The following PARN variants were observed in gnomAD, a reference collection of about 807,000 sequenced individuals.
The protein encoded by PARN is poly(A)-specific ribonuclease.
Under a neutral mutation model 102.8 loss-of-function variants are expected in PARN, and 71 were observed. The observed-to-expected ratio is 0.69, with a 90% confidence interval of 0.57 to 0.84. The LOEUF is 0.84. Among genes scored for constraint, PARN ranks in the 40% least tolerant of loss-of-function variants. The probability of loss-of-function intolerance (pLI) is 0.00; values close to 1 mark genes in which losing one functional copy is unlikely to be tolerated. For missense variants in PARN, 782 were observed against 760.9 expected (o/e 1.03, Z -0.33); for synonymous variants, 261 against 252.9 (o/e 1.03, Z -0.30).
chr16:14,442,852 C>CT (rs944684824), intron 23 of PARN, among the ~76,000 whole-genome samples: 3 of 152,252 alleles, frequency 2.0e-5, no homozygotes, highest in Admixed American at 2.0e-4. Flanking sequence ...AGGTGGTGGA[C>CT]TAACAGGCGT....
At chr16:14,523,775 T>C (rs1965858096) in intron 21 of PARN, among the ~76,000 whole-genome samples, 1 of 152,136 alleles carries the variant, frequency 6.6e-6, no homozygotes, top group East Asian at 1.9e-4. Flanking sequence ...AAGGGCTCAG[T>C]CATTCAGAGG....
chr16:14,630,191 G>T lies in PARN; in HGVS notation c.-66C>A. 7.0e-7 allele frequency: 1 copy of T among 1,430,542 alleles called. No individual in the cohort carries two copies. The highest frequency in any genetic ancestry group is 9.6e-7 in the Non-Finnish European group (1 of 1,046,442). The allele number at this position is 1,430,542 out of a possible 1,614,324, so 88.6% of individuals were successfully genotyped here. ...GCCCGCCTCAGCGGTTCTACTCGCC[G>T]AATTCCGCGGCGACTGCGGCAGTAG... On this transcript the variant is annotated 5_prime_UTR_variant, in exon 1 of 24. Transcript: ENST00000437198.
intron 18 of PARN, among the ~76,000 whole-genome samples, chr16:14,557,463 A>G (rs993711701): frequency 6.6e-6 from 1 of 151,178 alleles, no homozygotes; most frequent in Admixed American, 6.6e-5. Flanking sequence ...AGGCTAAGGC[A>G]GGAGAATCGC....
At chr16:14,514,275 C>T (rs1965348010) in intron 21 of PARN, among the ~76,000 whole-genome samples, 1 of 152,228 alleles carries the variant, frequency 6.6e-6, no homozygotes, top group Non-Finnish European at 1.5e-5. Context: ...ACCTCTGCCT[C>T]CCAGGTTCAC....
rs1415752954 is a variant in PARN, at chr16:14,436,730, G to C, written c.1907C>G (p.Pro636Arg). ...KNSPATLFEV[P>R]DTW is the part of the protein sequence containing the mutation. Reference sequence around the variant, plus strand: ...CTCAGGTCTTGGTTACCATGTGTCAGGAACTTCAAAGAGTGTGGCAGGGCT... The same window carrying C: ...CTCAGGTCTTGGTTACCATGTGTCACGAACTTCAAAGAGTGTGGCAGGGCT... The change falls in exon 24 of 24, where the codon CCT becomes CGT. Residue 636 changes from proline (P) to arginine (R), a missense_variant. Transcript: ENST00000437198. The C allele has an allele frequency of 6.2e-7, 1 of 1,601,516 alleles. No homozygotes were observed. The highest frequency in any genetic ancestry group is 1.1e-5 in the South Asian group (1 of 88,258).
intron 13 of PARN, among the ~76,000 whole-genome samples, chr16:14,589,630 C>T (rs1970051342): frequency 4.0e-5 from 6 of 151,380 alleles, no homozygotes; most frequent in Admixed American, 4.0e-4. Flanking sequence ...CTTTGGGAGG[C>T]CCAGGCAGGC....
intron 20 of PARN, among the ~76,000 whole-genome samples, chr16:14,553,003 T>C (rs1325681853): frequency 6.6e-6 from 1 of 152,040 alleles, no homozygotes; most frequent in Non-Finnish European, 1.5e-5. Flanking sequence ...TTTATATGCC[T>C]TAACGTTCGT....
intron 6 of PARN, among the ~76,000 whole-genome samples, chr16:14,617,371 G>A (rs903388587): frequency 2.1e-4 from 28 of 131,580 alleles, no homozygotes; most frequent in African/African-American, 3.6e-4. Flanking sequence ...GCAACAGAGC[G>A]AGACTCTTCT....
chr16:14,501,346 G>A (rs1264538073), intron 21 of PARN, among the ~76,000 whole-genome samples: 1 of 138,830 alleles, frequency 7.2e-6, no homozygotes, highest in African/African-American at 2.6e-5. Flanking sequence ...GGTGGTGTGC[G>A]CCTATAGTCC....
intron 21 of PARN, among the ~76,000 whole-genome samples, chr16:14,511,666 T>A (rs1965196268): frequency 6.6e-6 from 1 of 152,044 alleles, no homozygotes; most frequent in African/African-American, 2.4e-5. Flanking sequence ...ACCCGAAAGG[T>A]TAAATGCATC....
chr16:14,554,799 C>G (rs1347467256), intron 19 of PARN, among the ~76,000 whole-genome samples: 1 of 151,822 alleles, frequency 6.6e-6, no homozygotes, highest in African/African-American at 2.4e-5. Flanking sequence ...AGTTTCACTT[C>G]ACTAAACATT....
At chr16:14,437,540 C>T (rs1226764186) in intron 23 of PARN, among the ~76,000 whole-genome samples, 1 of 152,194 alleles carries the variant, frequency 6.6e-6, no homozygotes, top group African/African-American at 2.4e-5. Context: ...CCACTTTCTA[C>T]AATACGAGCA....
intron 23 of PARN, among the ~76,000 whole-genome samples, chr16:14,439,680 A>G (rs542857038): frequency 6.6e-6 from 1 of 152,318 alleles, no homozygotes; most frequent in Non-Finnish European, 1.5e-5. Context: ...ACTGGACTTC[A>G]TCAAAATTTA....
intron 13 of PARN, among the ~76,000 whole-genome samples, chr16:14,586,638 G>A (rs1969875233): frequency 6.6e-6 from 1 of 152,092 alleles, no homozygotes; most frequent in African/African-American, 2.4e-5. Context: ...GAAGGGGCAG[G>A]GGGTCCAATA....
chr16:14,599,798 G>A, intron 12 of PARN, 106 bp downstream of exon 12: 2 of 687,038 alleles, frequency 2.9e-6, no homozygotes, highest in East Asian at 5.4e-5. Context: ...GAATGTTCTA[G>A]GTAAACATTC....
intron 9 of PARN, among the ~76,000 whole-genome samples, chr16:14,607,397 G>C (rs554183315): frequency 6.6e-6 from 1 of 151,856 alleles, no homozygotes; most frequent in Non-Finnish European, 1.5e-5. Flanking sequence ...TAGTAGAGAC[G>C]GGGTTTCACC....
At chr16:14,507,779 T>A (rs1483892933) in intron 21 of PARN, among the ~76,000 whole-genome samples, 3 of 152,146 alleles carry the variant, frequency 2.0e-5, no homozygotes, top group Non-Finnish European at 4.4e-5. Flanking sequence ...TTGAGAGTAA[T>A]AAAAATTGTA....
rs777564454 is a variant in PARN at position 14,552,109 on chromosome 16, TTAAAAG to T, written c.1406-20_1406-15del. The T allele has an allele frequency of 1.3e-6, 2 of 1,568,428 alleles. No homozygotes were observed. Among genetic ancestry groups the T allele is most frequent in the Admixed American group, 3.4e-5 (2 of 59,396 alleles). On this transcript the variant is annotated splice_polypyrimidine_tract_variant and intron_variant, in intron 20 of 23. Transcript: ENST00000437198. ...TCTGAATGTTACCTGCAATCGCAAA[TTAAAAG>T]TAAAGTGAACATTTGACCATGTGGA...
intron 22 of PARN, among the ~76,000 whole-genome samples, chr16:14,451,571 A>G (rs752994810): frequency 6.6e-6 from 1 of 152,070 alleles, no homozygotes; most frequent in African/African-American, 2.4e-5. Flanking sequence ...AAATTCCAGA[A>G]AAGGCTAAAC....
Sources: gnomAD v4.1 joint callset for allele counts (sites outside exome capture counted in the v4.1 genomes callset) on GRCh38, gnomAD v4.1.1 for gene constraint, MANE v1.5 for transcripts, NCBI Gene and HGNC (gene_info 2026-07-23, HGNC 2026-07-21) for gene names.